Variants in NEURL4 observed in about 807,000 individuals in gnomAD.
NEURL4 encodes the protein neuralized E3 ubiquitin protein ligase 4, also known as neuralized-like protein 4.
A neutral mutation model predicts 148.0 loss-of-function variants in NEURL4; 45 were observed. The observed-to-expected ratio is 0.30, with a 90% CI of 0.24 to 0.39. NEURL4 has a LOEUF of 0.39. Among genes scored for constraint, NEURL4 ranks in the 10% least tolerant of loss-of-function variants. The pLI is 1.00. For missense variants in NEURL4, 1,776 were observed against 2,144.0 expected, an observed-to-expected ratio of 0.83 and a Z score of 3.39; for synonymous variants, 854 against 869.0, an observed-to-expected ratio of 0.98 and a Z score of 0.30.
At position 7,324,959 on chromosome 17, in the gene NEURL4, G is replaced by A. The variant is rs371550106; in HGVS notation, c.1653C>T (p.His551=). The A allele has an allele frequency of 3.5e-4, 566 of 1,613,982 alleles. 2 individuals carry two copies. Among genetic ancestry groups the A allele is most frequent in the Admixed American group, 1.5e-3 (90 of 60,006 alleles). ...GGGCTCTGCTGCTCAGCACCACGCC[G>A]TGATTGAAGTCATCGGTGGCACTGA... The part of the protein sequence containing the change: ...LRPHATDDFN[H]GVVLSSRALR... The change falls in exon 9 of 29, where the codon CAC becomes CAT. Residue 551 remains histidine (H), a synonymous_variant. Coordinates refer to ENST00000399464, the MANE Select transcript of NEURL4 (RefSeq NM_032442.3). The surrounding 1 kb of genome is among the most constrained non-coding windows in gnomAD (Gnocchi z 5.9).
At chr17:7,317,620 C>A in intron 26 of NEURL4, 47 bp from the exon 27 acceptor site, 1 of 1,569,968 alleles carries the variant, frequency 6.4e-7, no homozygotes, top group Non-Finnish European at 8.8e-7. Flanking sequence ...CCACTGACTC[C>A]CCAGTGGAGG....
chr17:7,326,929 G>A lies in NEURL4; in HGVS notation c.874C>T (p.Leu292=). The A allele has an allele frequency of 6.2e-7, 1 of 1,613,966 alleles. No individual in the cohort carries two copies. Among genetic ancestry groups the A allele is most frequent in the African/African-American group, 1.3e-5 (1 of 75,026 alleles). ...AYNGGLLNVN[L]SSPPAGEGLG... ...CCTTCCCCTGCCGGTGGGGAGCTCA[G>A]GTTCACATTCAGGAGCCCTCCATTG... is the stretch of plus-strand genomic sequence containing the variant. Residue 292 remains leucine, a synonymous_variant, in exon 4 of 29, where the codon CTG becomes TTG. Transcript: ENST00000399464. The surrounding 1 kb of genome is among the most constrained non-coding windows in gnomAD (Gnocchi z 6.0).
chr17:7,328,948 C>T, intron 1 of NEURL4, 83 bp downstream of exon 1: 1 of 1,335,308 alleles, frequency 7.5e-7, no homozygotes. Flanking sequence ...GCAATGTGGG[C>T]TACCCTGGCT....
At position 7,323,493 on chromosome 17, in the gene NEURL4, C is replaced by T. The variant is rs1328441998; in HGVS notation, c.2409G>A (p.Trp803Ter). ...AAAGCAGGAAGCCCAACCTCAGCATCCATGTGTCATAGTCAATGTCTGTCA... is the reference window on the plus strand; with the variant it reads ...AAAGCAGGAAGCCCAACCTCAGCATTCATGTGTCATAGTCAATGTCTGTCA... The part of the protein sequence containing the change: ...NTMTDIDYDT[W>*]MLSGTAIMQD... Residue 803 changes from tryptophan (W) to a stop codon, truncating the protein, a stop_gained, in exon 14 of 29, where the codon TGG (tryptophan) becomes TGA (stop). Coordinates refer to ENST00000399464, the MANE Select transcript of NEURL4 (RefSeq NM_032442.3). LOFTEE classifies it high-confidence loss of function. 1 of 1,614,222 alleles carries T rather than the reference C, an allele frequency of 6.2e-7. No individual in the cohort carries two copies. The highest frequency in any genetic ancestry group is 2.2e-5 in the East Asian group (1 of 44,892).
Position 7,318,484 on chromosome 17 carries a change from C to T in NEURL4, c.3864+11G>A, listed in dbSNP as rs751213350. The T allele has an allele frequency of 3.7e-6, 6 of 1,601,390 alleles. No homozygotes were observed. Among genetic ancestry groups the T allele is most frequent in the Non-Finnish European group, 5.1e-6 (6 of 1,172,284 alleles). On this transcript the variant is annotated intron_variant, in intron 23 of 28. Transcript: ENST00000399464. This position sits in a 1 kb window ranked among gnomAD's most constrained non-coding sequence, Gnocchi z 4.3. Reference sequence around the variant, plus strand: ...CAGGCACCCCTCCTCCCTGCCCCCACTGCCACTAACCTGCTCACACTGCCC... The same window carrying T: ...CAGGCACCCCTCCTCCCTGCCCCCATTGCCACTAACCTGCTCACACTGCCC...
chr17:7,316,296 G>C lies in NEURL4; in HGVS notation c.4516C>G (p.Gln1506Glu). ...FRDPKSQRTH[Q>E]AQVAFQVCVR... is the part of the protein sequence containing the mutation. ...CACACCTGGAACGCCACCTGAGCCT[G>C]GTGCGTCCGCTGGGATTTGGGGTCC... Residue 1506 changes from glutamine (Q) to glutamate (E), a missense_variant, in exon 29 of 29, where the codon CAG becomes GAG. Transcript: ENST00000399464. 6.2e-7 allele frequency: 1 copy of C among 1,612,990 alleles called. No homozygotes were observed. The highest frequency in any genetic ancestry group is 8.5e-7 in the Non-Finnish European group (1 of 1,179,966).
intron 7 of NEURL4, 46 bp from the exon 8 acceptor site, chr17:7,325,519 A>C: frequency 6.2e-7 from 1 of 1,601,434 alleles, no homozygotes; most frequent in Non-Finnish European, 8.5e-7. Context: ...AGGGAGAATG[A>C]GGGGAGAAAG....
In NEURL4 at chr17:7,326,680, G is replaced by T; in HGVS notation, c.1092+31C>A. The T allele has an allele frequency of 1.2e-6, 2 of 1,605,338 alleles. No homozygotes were observed. The highest frequency in any genetic ancestry group is 1.1e-5 in the South Asian group (1 of 90,520). On this transcript the variant is annotated intron_variant, in intron 4 of 28. Coordinates refer to ENST00000399464, the MANE Select transcript of NEURL4 (RefSeq NM_032442.3). This position sits in a 1 kb window ranked among gnomAD's most constrained non-coding sequence, Gnocchi z 6.0. The stretch of plus-strand genomic sequence containing the variant: ...CCCCATCTTTAGCTCCCAGGGATAA[G>T]GCGCCAACCAGACCACAGGACTTTG...
Position 7,327,157 on chromosome 17 carries a change from G to T in NEURL4, c.793+8C>A. 1 of 1,611,888 alleles carries T rather than the reference G, an allele frequency of 6.2e-7. No individual in the cohort carries two copies. The highest frequency in any genetic ancestry group is 1.1e-5 in the South Asian group (1 of 90,986). On this transcript the variant is annotated splice_region_variant and intron_variant, in intron 3 of 28. Coordinates refer to ENST00000399464, the MANE Select transcript of NEURL4 (RefSeq NM_032442.3). The surrounding 1 kb of genome is among the most constrained non-coding windows in gnomAD (Gnocchi z 6.6). ...CTCCCCTTCCCAGGGCCTCCCCAAA[G>T]CCCTCACCATTATGCGACTCAAGGC...
chr17:7,315,698 C>G lies in NEURL4; in HGVS notation c.*425G>C, dbSNP rs1043790. The G allele has an allele frequency of 2.2e-6, 1 of 451,128 alleles. No individual in the cohort carries two copies. The highest frequency in any genetic ancestry group is 3.9e-6 in the Non-Finnish European group (1 of 255,882). The allele number at this position is 451,128 out of a possible 1,614,324, so 27.9% of individuals were successfully genotyped here. On this transcript the variant is annotated 3_prime_UTR_variant, in exon 29 of 29. Coordinates refer to ENST00000399464, the MANE Select transcript of NEURL4 (RefSeq NM_032442.3). Reference sequence around the variant, plus strand: ...GTAACAACTGTACAGAGGCCCCCATCTTCCGTGCGCCCACCCTTCCCCACT... The same window carrying G: ...GTAACAACTGTACAGAGGCCCCCATGTTCCGTGCGCCCACCCTTCCCCACT...
intron 7 of NEURL4, 58 bp downstream of exon 7, chr17:7,325,583 C>G (rs2073093934): frequency 1.9e-6 from 3 of 1,591,060 alleles, no homozygotes; most frequent in South Asian, 2.2e-5. Context: ...AGGTACAGCC[C>G]CCAGTCCCAG....
At chr17:7,325,822 G>A in intron 6 of NEURL4, 109 bp from the exon 7 acceptor site, 1 of 885,442 alleles carries the variant, frequency 1.1e-6, no homozygotes, top group Non-Finnish European at 1.9e-6. Flanking sequence ...GACCACCCTG[G>A]AGGACAGGTC....
chr17:7,323,870 G>A lies in NEURL4; in HGVS notation c.2205C>T (p.Thr735=), dbSNP rs759039594. Residue 735 remains threonine, a synonymous_variant, in exon 12 of 29, where the codon ACC becomes ACT. Coordinates refer to ENST00000399464, the MANE Select transcript of NEURL4 (RefSeq NM_032442.3). ...SNAVITNGGR[T]ALRHNCRSEF... ...CGCTGCGACAGTTGTGGCGGAGGGC[G>A]GTGCGGCCCCCGTTAGTGATGACTG... The A allele has an allele frequency of 1.7e-5, 28 of 1,613,890 alleles. No individual in the cohort carries two copies. The East Asian group carries it at 1.8e-4, about 10-fold the overall frequency.
Position 7,328,686 on chromosome 17 carries a change from C to T in NEURL4, c.282+345G>A, listed in dbSNP as rs563844299. ...CCAAAGTGCTGGGATTACGTTTGTT[C>T]GTTCCTTGGCATCTTTCTTCACTTG... On this transcript the variant is annotated intron_variant, in intron 1 of 28. Coordinates refer to ENST00000399464, the MANE Select transcript of NEURL4 (RefSeq NM_032442.3). Among the ~76,000 whole-genome samples the T allele has an allele frequency of 2.6e-5, 4 of 152,276 alleles. No individual in the cohort carries two copies. In the South Asian group the frequency reaches 8.3e-4, roughly 32 times the overall value.
intron 26 of NEURL4, 36 bp from the exon 27 acceptor site, chr17:7,317,609 G>T (rs1316938440): frequency 1.9e-6 from 3 of 1,594,012 alleles, no homozygotes; most frequent in South Asian, 2.2e-5. Context: ...TACAACGAAG[G>T]CCACTGACTC....
In NEURL4 at chr17:7,317,294, A is replaced by G. The variant is rs1369884678; in HGVS notation, c.4395T>C (p.Cys1465=). The G allele has an allele frequency of 6.5e-7, 1 of 1,529,416 alleles. No homozygotes were observed. Among genetic ancestry groups the G allele is most frequent in the East Asian group, 2.3e-5 (1 of 44,108 alleles). The allele number at this position is 1,529,416 out of a possible 1,614,324, so 94.7% of individuals were successfully genotyped here. Reference sequence around the variant, plus strand: ...GGGGCTGCTCCTCCCGAGGAGGTGCACAGTTCTCGCCAGGCTCCTCGAACC... The same window carrying G: ...GGGGCTGCTCCTCCCGAGGAGGTGCGCAGTTCTCGCCAGGCTCCTCGAACC... ...GVGFEEPGEN[C]APPREEQPPP... The change falls in exon 28 of 29, where the codon TGT becomes TGC. Residue 1465 remains cysteine, a synonymous_variant. Coordinates refer to ENST00000399464, the MANE Select transcript of NEURL4 (RefSeq NM_032442.3).
Position 7,326,968 on chromosome 17 carries a change from T to C in NEURL4, c.835A>G (p.Ile279Val). The C allele has an allele frequency of 6.2e-7, 1 of 1,613,112 alleles. No homozygotes were observed. Among genetic ancestry groups the C allele is most frequent in the Non-Finnish European group, 8.5e-7 (1 of 1,179,996 alleles). The change falls in exon 4 of 29, where the codon ATC (isoleucine) becomes GTC (valine). Residue 279 changes from isoleucine (I) to valine (V), a missense_variant. Coordinates refer to ENST00000399464, the MANE Select transcript of NEURL4 (RefSeq NM_032442.3). This position sits in a 1 kb window ranked among gnomAD's most constrained non-coding sequence, Gnocchi z 6.0. ...MELSEVVSNT[I>V]LSAYNGGLLN... is the part of the protein sequence containing the mutation. ...AGCCCTCCATTGTAGGCAGACAGGA[T>C]GGTGTTGCTCACCACCTCAGACAGC...
chr17:7,325,065 TC>T, intron 8 of NEURL4, 85 bp from the exon 9 acceptor site: 2 of 1,567,568 alleles, frequency 1.3e-6, no homozygotes, highest in Non-Finnish European at 1.7e-6. Context: ...CTGCCAACAC[TC>T]ACTGCCCCAA....
In NEURL4 at chr17:7,326,854, C is replaced by T. The variant is rs753848399; in HGVS notation, c.949G>A (p.Ala317Thr). 2 of 1,613,894 alleles carry T rather than the reference C, an allele frequency of 1.2e-6. No homozygotes were observed. Among genetic ancestry groups the T allele is most frequent in the South Asian group, 1.1e-5 (1 of 91,066 alleles). ...CCGCACTTTTCATGAAAGAGCAGGG[C>T]ATCGTTGGAAGTGAGAATGGGCGAG... ...ATSPILTSNDALLFHEKCGTL... is the reference protein window; with the variant it reads ...ATSPILTSNDTLLFHEKCGTL... The change falls in exon 4 of 29, where the codon GCC (alanine) becomes ACC (threonine). Residue 317 changes from alanine (A) to threonine (T), a missense_variant. Transcript: ENST00000399464. The surrounding 1 kb of genome is among the most constrained non-coding windows in gnomAD (Gnocchi z 6.0).
Sources: allele counts gnomAD v4.1 joint callset (sites outside exome capture counted in the v4.1 genomes callset), GRCh38; gene constraint gnomAD v4.1.1; non-coding constraint Gnocchi (gnomAD v3.1); transcripts MANE v1.5; gene names NCBI Gene and HGNC (gene_info 2026-07-23, HGNC 2026-07-21).